The following SLC2A12 variants were observed in gnomAD, a reference collection of about 807,000 sequenced individuals.
SLC2A12 encodes the protein solute carrier family 2 member 12, also known as solute carrier family 2, facilitated glucose transporter member 12.
A neutral mutation model predicts 41.8 loss-of-function variants in SLC2A12; 23 were observed. The ratio of observed to expected loss-of-function variants is 0.55; its 90% confidence interval spans 0.40 to 0.78. SLC2A12 has a LOEUF of 0.78. SLC2A12 is among the 30% of genes least tolerant of loss of function. The probability of loss-of-function intolerance (pLI) is 0.00; values close to 1 mark genes in which losing one functional copy is unlikely to be tolerated. For missense variants in SLC2A12, 654 were observed against 745.6 expected (o/e 0.88, Z 1.43); for synonymous variants, 295 against 285.9 (o/e 1.03, Z -0.32).
chr6:134,022,563 GA>G lies in SLC2A12; in HGVS notation c.1444+5817del, dbSNP rs1350055796. ...GAAAAGAAAAGAAAAGAAAAGAAAA[GA>G]AAAGAAAAGAAAAGAAAAGAAAAGA... On this transcript the variant is annotated intron_variant, in intron 2 of 4. Transcript: ENST00000275230. Among the ~76,000 whole-genome samples, 11 of 83,252 alleles carry G rather than the reference GA, an allele frequency of 1.3e-4. No homozygotes were observed. In the East Asian group the frequency reaches 4.0e-3, roughly 30 times the overall value. 54.6% of individuals were successfully genotyped at this position (83,252 alleles called of 152,430 possible).
intron 3 of SLC2A12, among the ~76,000 whole-genome samples, chr6:134,006,213 C>T (rs1388893079): frequency 8.4e-6 from 1 of 119,364 alleles, no homozygotes; most frequent in Non-Finnish European, 1.8e-5. Context: ...AACAGAGAAA[C>T]AGAGAGGGGC....
chr6:133,998,210 T>A (rs1382003577), intron 4 of SLC2A12, among the ~76,000 whole-genome samples: 1 of 152,184 alleles, frequency 6.6e-6, no homozygotes, highest in Non-Finnish European at 1.5e-5. Flanking sequence ...TTCTGTTGGG[T>A]TTTAGATACC....
chr6:134,040,894 A>T (rs969376472), intron 1 of SLC2A12, among the ~76,000 whole-genome samples: 2 of 152,186 alleles, frequency 1.3e-5, no homozygotes, highest in South Asian at 4.1e-4. Flanking sequence ...GCTGTGGTAT[A>T]TTCAGTGTCT....
rs893905467 is a variant in SLC2A12, at chr6:134,018,377, T to C, written c.1444+10004A>G. Among the ~76,000 whole-genome samples the C allele has an allele frequency of 7.2e-5, 11 of 152,330 alleles. No homozygotes were observed. The South Asian group carries it at 1.9e-3, about 26-fold the overall frequency. ...TAAAACTGAAAGCTAGAGAGATCAA[T>C]GGACTTGCCCTAAGTCCTGCATGGT... On this transcript the variant is annotated intron_variant, in intron 2 of 4. Coordinates refer to ENST00000275230, the MANE Select transcript of SLC2A12 (RefSeq NM_145176.3).
chr6:134,006,720 T>G, intron 3 of SLC2A12, 92 bp downstream of exon 3: 1 of 1,505,314 alleles, frequency 6.6e-7, no homozygotes, highest in Middle Eastern at 1.8e-4. Context: ...GTTTGAAAAT[T>G]TCCACGAAAA....
intron 2 of SLC2A12, among the ~76,000 whole-genome samples, chr6:134,010,723 C>A (rs1776869227): frequency 6.6e-6 from 1 of 152,118 alleles, no homozygotes; most frequent in Admixed American, 6.5e-5. Flanking sequence ...CAGATGAAAT[C>A]CACAGACAGC....
chr6:134,049,783 C>T (rs1487591802), intron 1 of SLC2A12, among the ~76,000 whole-genome samples: 1 of 152,150 alleles, frequency 6.6e-6, no homozygotes, highest in Non-Finnish European at 1.5e-5. Flanking sequence ...GAAAGACCTA[C>T]CAAAATTTTT....
At chr6:134,017,592 C>T (rs1182150844) in intron 2 of SLC2A12, among the ~76,000 whole-genome samples, 1 of 152,096 alleles carries the variant, frequency 6.6e-6, no homozygotes, top group Non-Finnish European at 1.5e-5. Context: ...GTGACTCACG[C>T]CTGTAATCCC....
At chr6:134,051,174 C>A (rs919515812) in intron 1 of SLC2A12, among the ~76,000 whole-genome samples, 3 of 152,162 alleles carry the variant, frequency 2.0e-5, no homozygotes, top group Admixed American at 6.5e-5. Context: ...GATCTGCCCA[C>A]CTTGGCCTCC....
At chr6:133,997,372 C>T (rs912949396) in intron 4 of SLC2A12, among the ~76,000 whole-genome samples, 1 of 152,182 alleles carries the variant, frequency 6.6e-6, no homozygotes, top group Non-Finnish European at 1.5e-5. Context: ...CATTGCATCA[C>T]TATTCATAAT....
At chr6:134,027,172 G>T (rs549793912) in intron 2 of SLC2A12, among the ~76,000 whole-genome samples, 1 of 152,190 alleles carries the variant, frequency 6.6e-6, no homozygotes, top group South Asian at 2.1e-4. Flanking sequence ...CCAATATTTG[G>T]CATAGTTCCT....
intron 4 of SLC2A12, among the ~76,000 whole-genome samples, chr6:133,993,820 C>G (rs987951548): frequency 5.3e-5 from 8 of 152,144 alleles, no homozygotes; most frequent in Non-Finnish European, 7.4e-5. Flanking sequence ...GAGCCTTGAG[C>G]ATGCTTGATG....
chr6:134,019,501 G>A (rs1259217416), intron 2 of SLC2A12, among the ~76,000 whole-genome samples: 2 of 152,188 alleles, frequency 1.3e-5, no homozygotes, highest in African/African-American at 4.8e-5. Flanking sequence ...AGAAACAGTG[G>A]GGAGTCGAGG....
chr6:134,051,731 A>G (rs1485231231), intron 1 of SLC2A12, among the ~76,000 whole-genome samples: 1 of 152,170 alleles, frequency 6.6e-6, no homozygotes, highest in Non-Finnish European at 1.5e-5. Context: ...CATCATAGCA[A>G]ACAAACCTCA....
intron 2 of SLC2A12, among the ~76,000 whole-genome samples, chr6:134,025,390 G>A (rs1167648818): frequency 6.6e-6 from 1 of 152,072 alleles, no homozygotes. Context: ...TTGTTTTGAA[G>A]GTAAAATGAA....
At chr6:133,994,417 C>G (rs1382091279) in intron 4 of SLC2A12, among the ~76,000 whole-genome samples, 1 of 152,144 alleles carries the variant, frequency 6.6e-6, no homozygotes, top group African/African-American at 2.4e-5. Context: ...CAGACCCTGG[C>G]ATATCAATGA....
intron 4 of SLC2A12, among the ~76,000 whole-genome samples, chr6:133,996,566 G>A (rs1485256933): frequency 6.6e-6 from 1 of 152,202 alleles, no homozygotes; most frequent in African/African-American, 2.4e-5. Context: ...GCAATGTGTA[G>A]TATCATGTTT....
chr6:134,000,456 G>T (rs1349893958), intron 4 of SLC2A12, among the ~76,000 whole-genome samples: 1 of 152,178 alleles, frequency 6.6e-6, no homozygotes, highest in Non-Finnish European at 1.5e-5. Flanking sequence ...TCAAGTAAAA[G>T]CTGAAGAATC....
intron 3 of SLC2A12, among the ~76,000 whole-genome samples, chr6:134,006,176 GAA>G (rs1182572567): frequency 0.02 from 1,262 of 61,780 alleles, 43 homozygotes; most frequent in East Asian, 0.2. Flanking sequence ...GAGACTATCG[GAA>G]AAAAAAAAAA....
Sources: allele counts gnomAD v4.1 joint callset (sites outside exome capture counted in the v4.1 genomes callset), GRCh38; gene constraint gnomAD v4.1.1; transcripts MANE v1.5; gene names NCBI Gene and HGNC (gene_info 2026-07-23, HGNC 2026-07-21).